SPSB1: variants seen among roughly 807,000 people sequenced by gnomAD.
SPSB1 encodes the protein splA/ryanodine receptor domain and SOCS box containing 1, also known as SPRY domain-containing SOCS box protein 1.
A neutral mutation model predicts 21.2 loss-of-function variants in SPSB1; 8 were observed. That is an observed-to-expected ratio of 0.38 (90% CI 0.22 to 0.68). SPSB1 has a LOEUF of 0.68. Ranked by LOEUF, SPSB1 falls within the 30% of genes least tolerant of loss-of-function variation. The pLI is 0.53. For synonymous variants in SPSB1, 169 were observed against 161.7 expected (o/e 1.05, Z -0.34); for missense variants, 242 against 377.8 (o/e 0.64, Z 2.98).
chr1:9,307,970 G>A (rs571983482), intron 1 of SPSB1, among the ~76,000 whole-genome samples: 70 of 152,318 alleles, frequency 4.6e-4, no homozygotes, highest in Non-Finnish European at 8.5e-4. Flanking sequence ...CCCTGAGGCT[G>A]GGAGTCTGTA....
chr1:9,331,834 C>G (rs1231943748), intron 1 of SPSB1, among the ~76,000 whole-genome samples: 2 of 152,182 alleles, frequency 1.3e-5, no homozygotes, highest in East Asian at 1.9e-4. Flanking sequence ...TACTGCTTTT[C>G]TTTTATGTCC....
chr1:9,312,275 A>G (rs1048342635), intron 1 of SPSB1, among the ~76,000 whole-genome samples: 26 of 152,052 alleles, frequency 1.7e-4, no homozygotes, highest in East Asian at 5.8e-4. Flanking sequence ...AGTCTTCCCA[A>G]CTTGGCCTCC....
intron 1 of SPSB1, among the ~76,000 whole-genome samples, chr1:9,303,947 G>A (rs1639372401): frequency 1.3e-5 from 2 of 152,248 alleles, no homozygotes. Context: ...CCAGTGGTTT[G>A]GCATTTGTGT....
chr1:9,354,531 A>C (rs772656948), intron 1 of SPSB1, among the ~76,000 whole-genome samples: 65 of 151,882 alleles, frequency 4.3e-4, no homozygotes, highest in Non-Finnish European at 7.1e-4. Flanking sequence ...CTGCTGCCTT[A>C]TCCTTCTCCT....
rs1294229448 is a variant in SPSB1 at position 9,324,184 on chromosome 1, A to G, written c.-150+31113A>G. Among the ~76,000 whole-genome samples the G allele has an allele frequency of 6.6e-6, 1 of 152,118 alleles. No individual in the cohort carries two copies. The highest frequency in any genetic ancestry group is 1.5e-5 in the Non-Finnish European group (1 of 68,024). ...TGGTAGATAATCACTGGTTTTTCTC[A>G]TCCGGCAAGTGGACACCTCTGACGC... On this transcript the variant is annotated intron_variant, in intron 1 of 2. Transcript: ENST00000328089. The surrounding 1 kb of genome is among the most constrained non-coding windows in gnomAD (Gnocchi z 4.3).
chr1:9,358,376 G>A (rs545847815), intron 2 of SPSB1, among the ~76,000 whole-genome samples: 1 of 152,286 alleles, frequency 6.6e-6, no homozygotes, highest in African/African-American at 2.4e-5. Context: ...TCCTGGAAGA[G>A]GTGGGTGACC....
At chr1:9,338,650 A>G (rs1249617206) in intron 1 of SPSB1, among the ~76,000 whole-genome samples, 1 of 152,264 alleles carries the variant, frequency 6.6e-6, no homozygotes, top group Non-Finnish European at 1.5e-5. Context: ...TGGGAAGGGA[A>G]TCGTGCTGGC....
chr1:9,331,645 T>C (rs1010066017), intron 1 of SPSB1, among the ~76,000 whole-genome samples: 2 of 152,170 alleles, frequency 1.3e-5, no homozygotes, highest in African/African-American at 2.4e-5. Flanking sequence ...CTCATTCTTA[T>C]GGGCTCACGC....
At chr1:9,300,305 C>T (rs1448588491) in intron 1 of SPSB1, among the ~76,000 whole-genome samples, 1 of 152,168 alleles carries the variant, frequency 6.6e-6, no homozygotes, top group African/African-American at 2.4e-5. Flanking sequence ...TTACTCCAGC[C>T]CATTTGCTGA....
intron 1 of SPSB1, among the ~76,000 whole-genome samples, chr1:9,329,061 C>T (rs1196543738): frequency 1.3e-5 from 2 of 152,204 alleles, no homozygotes; most frequent in African/African-American, 4.8e-5. Context: ...GGCAGAAAGA[C>T]TTGCTGGAGC....
At chr1:9,361,156 CTTTTTTTTTTTTT>C (rs57871457) in intron 2 of SPSB1, among the ~76,000 whole-genome samples, 4 of 102,578 alleles carry the variant, frequency 3.9e-5, no homozygotes, top group African/African-American at 1.7e-4. Context: ...CTGTCATTTT[CTTTTTTTTTTTTT>C]TTTTTTTTTT....
chr1:9,341,029 C>T (rs750356944), intron 1 of SPSB1, among the ~76,000 whole-genome samples: 2 of 152,184 alleles, frequency 1.3e-5, no homozygotes, highest in South Asian at 2.1e-4. Flanking sequence ...TCTTCCTCCT[C>T]GGGCCCTGAT....
At position 9,293,666 on chromosome 1, in the gene SPSB1, G is replaced by C. The variant is rs929850870; in HGVS notation, c.-150+595G>C. ...TCTCCCAGCAGCGGAGGGAGAGCCGGAGGGTTGTCAGGAAATCGATTAAAT... is the reference window on the plus strand; with the variant it reads ...TCTCCCAGCAGCGGAGGGAGAGCCGCAGGGTTGTCAGGAAATCGATTAAAT... On this transcript the variant is annotated intron_variant, in intron 1 of 2. Coordinates refer to ENST00000328089, the MANE Select transcript of SPSB1 (RefSeq NM_025106.4). The surrounding 1 kb of genome is among the most constrained non-coding windows in gnomAD (Gnocchi z 5.1). Among the ~76,000 whole-genome samples, 3 of 152,188 alleles carry C rather than the reference G, an allele frequency of 2.0e-5. No homozygotes were observed. Among genetic ancestry groups the C allele is most frequent in the Non-Finnish European group, 4.4e-5 (3 of 68,014 alleles).
intron 2 of SPSB1, among the ~76,000 whole-genome samples, chr1:9,366,426 G>C (rs570718249): frequency 6.6e-6 from 1 of 152,218 alleles, no homozygotes; most frequent in Non-Finnish European, 1.5e-5. Flanking sequence ...GGCCTGTCAC[G>C]TATGATTCAG....
rs1365215719 is a variant in SPSB1 at position 9,367,409 on chromosome 1, C to T, written c.695-39C>T. ...GTTAGCGCTGTTTGCTGAACACCCA[C>T]CCAAGCTGCGCTGACCTGCAGTTTC... On this transcript the variant is annotated intron_variant, in intron 2 of 2. Transcript: ENST00000328089. This position sits in a 1 kb window ranked among gnomAD's most constrained non-coding sequence, Gnocchi z 5.9. The T allele has an allele frequency of 2.5e-6, 4 of 1,612,466 alleles. No homozygotes were observed. In the East Asian group the frequency reaches 8.9e-5, roughly 36 times the overall value.
At position 9,321,942 on chromosome 1, in the gene SPSB1, T is replaced by G. The variant is rs1470073708; in HGVS notation, c.-150+28871T>G. ...ATTGACGAGTGATCCTGCTCTGGGC[T>G]CTCCAGTCACCTCTAACCCTGTGGG... On this transcript the variant is annotated intron_variant, in intron 1 of 2. Coordinates refer to ENST00000328089, the MANE Select transcript of SPSB1 (RefSeq NM_025106.4). This position sits in a 1 kb window ranked among gnomAD's most constrained non-coding sequence, Gnocchi z 4.8. 6.6e-6 allele frequency among the ~76,000 whole-genome samples: 1 copy of G among 152,134 alleles called. No individual in the cohort carries two copies. The highest frequency in any genetic ancestry group is 1.5e-5 in the Non-Finnish European group (1 of 68,024).
intron 1 of SPSB1, among the ~76,000 whole-genome samples, chr1:9,299,155 G>A (rs574853354): frequency 3.9e-5 from 6 of 152,238 alleles, no homozygotes; most frequent in Non-Finnish European, 5.9e-5. Flanking sequence ...CCCTGCTACT[G>A]CATGCAGCTG....
chr1:9,337,803 TC>T (rs1414206367), intron 1 of SPSB1, among the ~76,000 whole-genome samples: 1 of 152,172 alleles, frequency 6.6e-6, no homozygotes, highest in Admixed American at 6.5e-5. Context: ...TCACTCTGTC[TC>T]TGTCTCTCCT....
chr1:9,362,117 C>G (rs943918471), intron 2 of SPSB1, among the ~76,000 whole-genome samples: 1 of 152,234 alleles, frequency 6.6e-6, no homozygotes, highest in African/African-American at 2.4e-5. Context: ...GCACTCCACT[C>G]CAGCTGGACT....
Sources: gnomAD v4.1 joint callset for allele counts (sites outside exome capture counted in the v4.1 genomes callset) on GRCh38, gnomAD v4.1.1 for gene constraint, Gnocchi (gnomAD v3.1) non-coding constraint, MANE v1.5 for transcripts, NCBI Gene and HGNC (gene_info 2026-07-23, HGNC 2026-07-21) for gene names.